The following RAP1GAP2 variants were observed in gnomAD, a reference collection of about 807,000 sequenced individuals.
RAP1GAP2 encodes rap1 GTPase-activating protein 2.
A neutral mutation model predicts 95.0 loss-of-function variants in RAP1GAP2; 27 were observed. The observed-to-expected ratio is 0.28, with a 90% CI of 0.21 to 0.39. The LOEUF (loss-of-function observed/expected upper bound fraction) is 0.39. RAP1GAP2 is among the 10% of genes least tolerant of loss of function. The probability of loss-of-function intolerance (pLI) is 1.00; values close to 1 mark genes in which losing one functional copy is unlikely to be tolerated. For missense variants in RAP1GAP2, 771 were observed against 970.0 expected (o/e 0.79, Z 2.72); for synonymous variants, 373 against 380.9 (o/e 0.98, Z 0.24).
rs1395133946 is a variant in RAP1GAP2 at position 2,825,793 on chromosome 17, TCA to T, written c.80+25246_80+25247del. Among the ~76,000 whole-genome samples the T allele has an allele frequency of 6.6e-6, 1 of 152,004 alleles. No homozygotes were observed. On this transcript the variant is annotated intron_variant, in intron 2 of 24. Transcript: ENST00000254695. This position sits in a 1 kb window ranked among gnomAD's most constrained non-coding sequence, Gnocchi z 4.1. ...GGTCTGGTGCCCGCATCCAAGGAAC[TCA>T]CAGTCTCTGGAGGAAACAGACATTT...
At chr17:3,031,638 A>G (rs56007489) in intron 23 of RAP1GAP2, among the ~76,000 whole-genome samples, 31 of 99,630 alleles carry the variant, frequency 3.1e-4, no homozygotes, top group East Asian at 8.1e-4. Context: ...ATGTGAGGTG[A>G]GAAAGGCTGG....
At chr17:2,846,692 C>T (rs2071602762) in intron 2 of RAP1GAP2, among the ~76,000 whole-genome samples, 1 of 152,192 alleles carries the variant, frequency 6.6e-6, no homozygotes, top group African/African-American at 2.4e-5. Context: ...TTGTTATTCC[C>T]ATTTTACAGA....
At chr17:2,939,183 C>T (rs371180580) in intron 3 of RAP1GAP2, among the ~76,000 whole-genome samples, 5 of 152,178 alleles carry the variant, frequency 3.3e-5, no homozygotes, top group Admixed American at 6.5e-5. Context: ...GTCTGCCTCC[C>T]GGGTTCAAGT....
intron 18 of RAP1GAP2, among the ~76,000 whole-genome samples, 182 bp downstream of exon 18, chr17:3,018,380 T>G (rs561046837): frequency 4.5e-4 from 69 of 152,138 alleles, no homozygotes; most frequent in South Asian, 2.5e-3. Flanking sequence ...AAACGGTCCT[T>G]TGGAGCCTCC....
At chr17:2,912,843 G>C (rs1407134412) in intron 3 of RAP1GAP2, among the ~76,000 whole-genome samples, 1 of 152,146 alleles carries the variant, frequency 6.6e-6, no homozygotes, top group Non-Finnish European at 1.5e-5. Context: ...GGGCTTATTT[G>C]GCTACTGAGG....
At chr17:2,959,161 C>T (rs918425832) in intron 4 of RAP1GAP2, among the ~76,000 whole-genome samples, 2 of 152,172 alleles carry the variant, frequency 1.3e-5, no homozygotes, top group African/African-American at 2.4e-5. Flanking sequence ...TCTCCGGTTG[C>T]TCCTCAGATC....
intron 2 of RAP1GAP2, among the ~76,000 whole-genome samples, chr17:2,876,885 T>C: frequency 7.3e-6 from 1 of 136,198 alleles, no homozygotes; most frequent in East Asian, 2.0e-4. Context: ...TGGTTTACGT[T>C]CTTTTTTTTT....
rs183334304 is a variant in RAP1GAP2, at chr17:2,880,892, C to T, written c.81-24392C>T. Among the ~76,000 whole-genome samples, 40 of 152,022 alleles carry T rather than the reference C, an allele frequency of 2.6e-4. No homozygotes were observed. In the East Asian group the frequency reaches 4.8e-3, roughly 18 times the overall value. On this transcript the variant is annotated intron_variant, in intron 2 of 24. Coordinates refer to ENST00000254695, the MANE Select transcript of RAP1GAP2 (RefSeq NM_015085.5). ...CTGGAATCCCAGCACTTTGGGAGGC[C>T]GAGGCGGGTGGATCATTTGAGGTCA... is the stretch of plus-strand genomic sequence containing the variant.
chr17:2,805,740 A>G (rs953590633), intron 2 of RAP1GAP2, among the ~76,000 whole-genome samples: 2 of 130,168 alleles, frequency 1.5e-5, no homozygotes, highest in African/African-American at 2.9e-5. Flanking sequence ...TTTGCTAAAG[A>G]AAGAGATGCG....
At chr17:2,842,071 T>A (rs1295335211) in intron 2 of RAP1GAP2, among the ~76,000 whole-genome samples, 1 of 152,098 alleles carries the variant, frequency 6.6e-6, no homozygotes, top group African/African-American at 2.4e-5. Flanking sequence ...TTATCTAGTT[T>A]CCTCCACAAC....
chr17:2,869,817 G>C (rs115927948), intron 2 of RAP1GAP2, among the ~76,000 whole-genome samples: 1 of 152,224 alleles, frequency 6.6e-6, no homozygotes, highest in African/African-American at 2.4e-5. Context: ...ATGGCCAGCC[G>C]TCAGCCAGCA....
At position 2,905,330 on chromosome 17, in the gene RAP1GAP2, C is replaced by A. The variant is rs2042165944; in HGVS notation, c.127C>A (p.Pro43Thr). ...CTCGGATGCGACCCTCCCAGACCGG[C>A]CGCTCTCCCCTCCTCTCACGGCACC... The part of the protein sequence containing the change: ...NSSDATLPDR[P>T]LSPPLTAPPT... Residue 43 changes from proline to threonine, a missense_variant, in exon 3 of 25, where the codon CCG (proline) becomes ACG (threonine). Physicochemically the swap from Pro to Thr is conservative, Grantham distance 38. Coordinates refer to ENST00000254695, the MANE Select transcript of RAP1GAP2 (RefSeq NM_015085.5). 1 of 1,613,842 alleles carries A rather than the reference C, an allele frequency of 6.2e-7. No homozygotes were observed. The highest frequency in any genetic ancestry group is 8.5e-7 in the Non-Finnish European group (1 of 1,179,788).
chr17:2,767,737 CTTT>C (rs35038540), intron 1 of RAP1GAP2, among the ~76,000 whole-genome samples: 1 of 142,256 alleles, frequency 7.0e-6, no homozygotes, highest in Non-Finnish European at 1.5e-5. Context: ...TTTATTATAG[CTTT>C]TTTTTTTTTT....
intron 2 of RAP1GAP2, among the ~76,000 whole-genome samples, chr17:2,843,051 A>G (rs1224645112): frequency 2.0e-5 from 3 of 152,140 alleles, no homozygotes; most frequent in Non-Finnish European, 4.4e-5. Context: ...CGTGGAGTAT[A>G]CATTCCACCG....
chr17:2,779,869 A>G (rs1013399220), intron 1 of RAP1GAP2, among the ~76,000 whole-genome samples: 24 of 151,292 alleles, frequency 1.6e-4, no homozygotes, highest in African/African-American at 5.6e-4. Context: ...AGACAGGGAC[A>G]GGGAGTGGGT....
intron 10 of RAP1GAP2, among the ~76,000 whole-genome samples, chr17:2,983,767 G>A (rs904436140): frequency 6.6e-6 from 1 of 152,078 alleles, no homozygotes; most frequent in African/African-American, 2.4e-5. Context: ...TGTAAAAGTT[G>A]GAAGGGACGT....
intron 1 of RAP1GAP2, among the ~76,000 whole-genome samples, chr17:2,765,759 T>TGC (rs1309143139): frequency 1.4e-5 from 2 of 147,096 alleles, no homozygotes; most frequent in African/African-American, 5.0e-5. Flanking sequence ...AAAAAAGAGT[T>TGC]TGAGCAAGAG....
chr17:2,969,701 G>A (rs1010113943), intron 8 of RAP1GAP2, among the ~76,000 whole-genome samples: 9 of 151,362 alleles, frequency 5.9e-5, no homozygotes, highest in South Asian at 2.1e-4. Flanking sequence ...ATGGGGTTTC[G>A]CTGTGTTGGC....
chr17:2,950,901 G>A (rs143451633), intron 3 of RAP1GAP2, among the ~76,000 whole-genome samples: 78 of 152,208 alleles, frequency 5.1e-4, no homozygotes, highest in African/African-American at 1.8e-3. Flanking sequence ...GTGAGCCACC[G>A]CGCCCGGCCT....
Sources: allele counts gnomAD v4.1 joint callset (sites outside exome capture counted in the v4.1 genomes callset), GRCh38; gene constraint gnomAD v4.1.1; non-coding constraint Gnocchi (gnomAD v3.1); transcripts MANE v1.5; gene names NCBI Gene and HGNC (gene_info 2026-07-23, HGNC 2026-07-21).